The following GLG1 variants were observed in gnomAD, a reference collection of about 807,000 sequenced individuals.
GLG1 encodes the protein Golgi apparatus protein 1.
Under a neutral mutation model 160.5 loss-of-function variants are expected in GLG1, and 38 were observed. The observed-to-expected ratio is 0.24, with a 90% confidence interval of 0.18 to 0.31. The LOEUF is 0.31. Ranked by LOEUF, GLG1 falls within the 10% of genes least tolerant of loss-of-function variation. The pLI is 1.00. For synonymous variants in GLG1, 644 were observed against 543.4 expected, an observed-to-expected ratio of 1.19 and a Z score of -2.57; for missense variants, 1,373 against 1,505.2, an observed-to-expected ratio of 0.91 and a Z score of 1.45.
intron 1 of GLG1, among the ~76,000 whole-genome samples, chr16:74,603,252 A>T (rs1242964015): frequency 6.6e-6 from 1 of 151,938 alleles, no homozygotes; most frequent in Non-Finnish European, 1.5e-5. Flanking sequence ...TCTACTAAAA[A>T]TACAAAAATT....
chr16:74,597,477 T>C (rs1958332380), intron 1 of GLG1, among the ~76,000 whole-genome samples: 1 of 146,732 alleles, frequency 6.8e-6, no homozygotes. Flanking sequence ...GCTCCGGTGA[T>C]AGATGGTGGT....
intron 1 of GLG1, among the ~76,000 whole-genome samples, chr16:74,545,702 A>T (rs1223741680): frequency 1.3e-5 from 2 of 152,182 alleles, no homozygotes; most frequent in African/African-American, 4.8e-5. Flanking sequence ...TCTGAGCTCA[A>T]CTTTATATTT....
At chr16:74,583,887 C>T (rs966855619) in intron 1 of GLG1, among the ~76,000 whole-genome samples, 1 of 152,132 alleles carries the variant, frequency 6.6e-6, no homozygotes, top group South Asian at 2.1e-4. Flanking sequence ...CCAGCACCTA[C>T]AATTAAGGTG....
chr16:74,596,711 G>A (rs970245561), intron 1 of GLG1, among the ~76,000 whole-genome samples: 8 of 152,182 alleles, frequency 5.3e-5, no homozygotes, highest in Non-Finnish European at 8.8e-5. Flanking sequence ...TTTAGGGACA[G>A]GGGGGAAAAT....
At chr16:74,456,786 C>T in intron 24 of GLG1, 31 bp from the exon 25 acceptor site, 1 of 1,280,844 alleles carries the variant, frequency 7.8e-7, no homozygotes, top group Non-Finnish European at 1.1e-6. Flanking sequence ...TAAGAAGAAC[C>T]TGAAACTGTA....
chr16:74,565,899 G>C (rs1461954750), intron 1 of GLG1, among the ~76,000 whole-genome samples: 3 of 152,106 alleles, frequency 2.0e-5, no homozygotes, highest in Non-Finnish European at 4.4e-5. Flanking sequence ...CTAACGTTCC[G>C]TCTTTGTTAC....
intron 4 of GLG1, among the ~76,000 whole-genome samples, chr16:74,499,173 G>C (rs1399796567): frequency 6.6e-6 from 1 of 152,110 alleles, no homozygotes; most frequent in Non-Finnish European, 1.5e-5. Flanking sequence ...TTATTTATGG[G>C]GTTAATCTGG....
chr16:74,511,682 T>A (rs2143507456), intron 2 of GLG1, among the ~76,000 whole-genome samples: 1 of 151,392 alleles, frequency 6.6e-6, no homozygotes, highest in South Asian at 2.1e-4. Context: ...CCAGAAAAAT[T>A]AAAACTATAA....
intron 25 of GLG1, 164 bp downstream of exon 25, chr16:74,456,485 T>C (rs899087062): frequency 1.5e-5 from 9 of 602,936 alleles, no homozygotes; most frequent in African/African-American, 9.6e-5. Flanking sequence ...AACGCACTTA[T>C]TGCTAGTCTC....
rs945387196 is a variant in GLG1 at position 74,450,509 on chromosome 16, G to T, written c.*2658C>A. ...AAAGACATTCTTGTAATAAGTAATTGAAGATACTGGCAGAGCTAACTTTTC... is the reference window on the plus strand; with the variant it reads ...AAAGACATTCTTGTAATAAGTAATTTAAGATACTGGCAGAGCTAACTTTTC... On this transcript the variant is annotated 3_prime_UTR_variant, in exon 26 of 26. Transcript: ENST00000422840. The T allele has an allele frequency of 1.3e-5, 2 of 152,200 alleles. No homozygotes were observed. Among genetic ancestry groups the T allele is most frequent in the African/African-American group, 4.8e-5 (2 of 41,446 alleles). 9.4% of individuals were successfully genotyped at this position (152,200 alleles called of 1,614,324 possible).
At chr16:74,558,211 G>A (rs1278368214) in intron 1 of GLG1, among the ~76,000 whole-genome samples, 1 of 152,146 alleles carries the variant, frequency 6.6e-6, no homozygotes, top group East Asian at 1.9e-4. Context: ...GAGTGAAGGT[G>A]GTACTGGCTC....
intron 15 of GLG1, among the ~76,000 whole-genome samples, chr16:74,470,774 T>G (rs867748116): frequency 6.6e-6 from 1 of 151,178 alleles, no homozygotes; most frequent in Non-Finnish European, 1.5e-5. Flanking sequence ...TTGTTGTTGC[T>G]GTTGAGATGG....
chr16:74,604,817 G>A (rs1458843130), intron 1 of GLG1, among the ~76,000 whole-genome samples: 1 of 152,172 alleles, frequency 6.6e-6, no homozygotes, highest in African/African-American at 2.4e-5. Flanking sequence ...TTGGGAGCCC[G>A]AGGCTGGCAG....
intron 1 of GLG1, among the ~76,000 whole-genome samples, chr16:74,554,017 G>T (rs1342891075): frequency 6.6e-6 from 1 of 152,160 alleles, no homozygotes; most frequent in Non-Finnish European, 1.5e-5. Flanking sequence ...CAACCAAAGC[G>T]TAAGCTTTCA....
At position 74,477,454 on chromosome 16, in the gene GLG1, T is replaced by C. The variant is rs1339971783; in HGVS notation, c.1907A>G (p.Gln636Arg). Reference sequence around the variant, plus strand: ...TCCCAGATCAATCAGGCACTTATCCTGGAGGGCAGGATCCAGCTTGACATC... The same window carrying C: ...TCCCAGATCAATCAGGCACTTATCCCGGAGGGCAGGATCCAGCTTGACATC... ...AMDVKLDPAL[Q>R]DKCLIDLGKW... The change falls in exon 12 of 26, where the codon CAG becomes CGG. Residue 636 changes from glutamine (Q) to arginine (R), a missense_variant. By Grantham distance (43) the Gln-to-Arg change is conservative (BLOSUM62 1). Coordinates refer to ENST00000422840, the MANE Select transcript of GLG1 (RefSeq NM_001145667.2). 1 of 1,612,652 alleles carries C rather than the reference T, an allele frequency of 6.2e-7. No individual in the cohort carries two copies. The highest frequency in any genetic ancestry group is 2.2e-5 in the East Asian group (1 of 44,896).
chr16:74,546,125 C>T (rs1409662933), intron 1 of GLG1, among the ~76,000 whole-genome samples: 1 of 152,140 alleles, frequency 6.6e-6, no homozygotes, highest in Non-Finnish European at 1.5e-5. Context: ...TACTGTTCTT[C>T]AGGAGAGTAC....
intron 20 of GLG1, chr16:74,463,100 C>G: frequency 2.0e-6 from 1 of 506,600 alleles, no homozygotes; most frequent in Non-Finnish European, 3.4e-6. Flanking sequence ...ATTTTTCTTT[C>G]CAAGGACTGC....
At chr16:74,585,997 A>G (rs1037472857) in intron 1 of GLG1, among the ~76,000 whole-genome samples, 10 of 150,914 alleles carry the variant, frequency 6.6e-5, no homozygotes, top group African/African-American at 2.4e-4. Context: ...CGGGAGGCAA[A>G]GGCTGTAGTG....
At chr16:74,489,767 G>A (rs181720944) in intron 8 of GLG1, among the ~76,000 whole-genome samples, 4 of 152,256 alleles carry the variant, frequency 2.6e-5, no homozygotes, top group African/African-American at 9.6e-5. Context: ...ACACGCATGC[G>A]TGCGCACACA....
Sources: gnomAD v4.1 joint callset for allele counts (sites outside exome capture counted in the v4.1 genomes callset) on GRCh38, gnomAD v4.1.1 for gene constraint, MANE v1.5 for transcripts, NCBI Gene and HGNC (gene_info 2026-07-23, HGNC 2026-07-21) for gene names.